Variants in OXSR1 observed in about 807,000 individuals in gnomAD.
OXSR1 encodes the protein oxidative stress responsive kinase 1.
OXSR1 carries 24 observed loss-of-function variants against 79.8 expected under a neutral mutation model. The observed-to-expected ratio is 0.30, with a 90% confidence interval of 0.22 to 0.42. OXSR1 has a LOEUF of 0.42. Ranked by LOEUF, OXSR1 falls within the 10% of genes least tolerant of loss-of-function variation. The pLI is 1.00. For synonymous variants in OXSR1, 226 were observed against 209.2 expected, an observed-to-expected ratio of 1.08 and a Z score of -0.69; for missense variants, 430 against 618.4, an observed-to-expected ratio of 0.70 and a Z score of 3.23.
intron 1 of OXSR1, among the ~76,000 whole-genome samples, chr3:38,176,445 C>T (rs1257735058): frequency 3.9e-5 from 6 of 152,092 alleles, no homozygotes; most frequent in Middle Eastern, 3.2e-3. Flanking sequence ...AATGAGAGAA[C>T]GTCATTGATT....
intron 10 of OXSR1, among the ~76,000 whole-genome samples, chr3:38,231,546 C>G (rs1702807172): frequency 6.6e-6 from 1 of 152,146 alleles, no homozygotes; most frequent in South Asian, 2.1e-4. Flanking sequence ...TCCCATGACT[C>G]TCTATCCCTT....
chr3:38,176,359 G>T (rs886517593), intron 1 of OXSR1, among the ~76,000 whole-genome samples: 2 of 152,062 alleles, frequency 1.3e-5, no homozygotes, highest in African/African-American at 2.4e-5. Flanking sequence ...AAATAATTAT[G>T]ATAAAACTTT....
At position 38,253,640 on chromosome 3, in the gene OXSR1, A is replaced by G. The variant is rs1256583018; in HGVS notation, c.*749A>G. On this transcript the variant is annotated 3_prime_UTR_variant, in exon 18 of 18. Transcript: ENST00000311806. Reference sequence around the variant, plus strand: ...ATTGTTTTTACAGACAACATCGAGTAATGGCTTGTAAATGTGAATTTTGCC... The same window carrying G: ...ATTGTTTTTACAGACAACATCGAGTGATGGCTTGTAAATGTGAATTTTGCC... 6.6e-6 allele frequency: 1 copy of G among 152,630 alleles called. No individual in the cohort carries two copies. The highest frequency in any genetic ancestry group is 6.5e-5 in the Admixed American group (1 of 15,292). 9.5% of individuals were successfully genotyped at this position (152,630 alleles called of 1,614,324 possible). A position where few individuals can be genotyped will look rare whatever the true frequency, so the allele number is the denominator to read the frequency against.
intron 2 of OXSR1, among the ~76,000 whole-genome samples, chr3:38,184,254 C>T (rs540406124): frequency 1.4e-4 from 22 of 152,048 alleles, no homozygotes; most frequent in African/African-American, 4.8e-4. Flanking sequence ...ATGAGATGGA[C>T]GAGACAAATG....
At chr3:38,166,558 C>T (rs1320334863) in intron 1 of OXSR1, among the ~76,000 whole-genome samples, 1 of 151,940 alleles carries the variant, frequency 6.6e-6, no homozygotes, top group African/African-American at 2.4e-5. Flanking sequence ...TTTGGGAGGC[C>T]GAGGCGGGCG....
chr3:38,211,151 C>G (rs893803956), intron 4 of OXSR1, among the ~76,000 whole-genome samples: 3 of 152,162 alleles, frequency 2.0e-5, no homozygotes, highest in African/African-American at 7.2e-5. Flanking sequence ...AAAAGGAGGC[C>G]TAGCACTATT....
upstream of OXSR1, among the ~76,000 whole-genome samples, chr3:38,164,389 G>A (rs1246330941): frequency 6.6e-6 from 1 of 152,090 alleles, no homozygotes; most frequent in Admixed American, 6.5e-5. Flanking sequence ...CAGGTGGTCC[G>A]CCCGCCTCCG....
At chr3:38,236,122 G>A (rs1295382934) in intron 10 of OXSR1, among the ~76,000 whole-genome samples, 1 of 152,148 alleles carries the variant, frequency 6.6e-6, no homozygotes, top group African/African-American at 2.4e-5. Flanking sequence ...GTATGATAAG[G>A]TTCAGCTCTG....
intron 11 of OXSR1, among the ~76,000 whole-genome samples, chr3:38,241,804 T>G (rs1012678193): frequency 4.1e-5 from 6 of 147,126 alleles, no homozygotes; most frequent in African/African-American, 1.0e-4. Context: ...AAGTTGTTTG[T>G]TTTTTTTTTT....
At chr3:38,190,628 A>C (rs1701965468) in intron 2 of OXSR1, 103 bp from the exon 3 acceptor site, 1 of 665,436 alleles carries the variant, frequency 1.5e-6, no homozygotes, top group African/African-American at 1.8e-5. Flanking sequence ...GATCCCAGAA[A>C]GGTGTGACAC....
chr3:38,230,318 G>T, intron 9 of OXSR1, 47 bp from the exon 10 acceptor site: 2 of 1,214,458 alleles, frequency 1.6e-6, no homozygotes, highest in South Asian at 1.3e-5. Context: ...GTTTTTTTTG[G>T]TACCTTAAAA....
intron 13 of OXSR1, among the ~76,000 whole-genome samples, chr3:38,247,455 CT>C (rs1245660973): frequency 5.3e-5 from 8 of 152,078 alleles, no homozygotes; most frequent in Admixed American, 5.2e-4. Flanking sequence ...AGTTTTCTTT[CT>C]CATTGTGTTG....
At chr3:38,185,161 T>G (rs928258738) in intron 2 of OXSR1, among the ~76,000 whole-genome samples, 2 of 151,972 alleles carry the variant, frequency 1.3e-5, no homozygotes, top group Non-Finnish European at 2.9e-5. Context: ...TATAACTATA[T>G]AATTCGACAG....
chr3:38,191,925 A>G (rs1302793831), intron 3 of OXSR1, among the ~76,000 whole-genome samples: 1 of 152,218 alleles, frequency 6.6e-6, no homozygotes, highest in Non-Finnish European at 1.5e-5. Flanking sequence ...TTCTATGAAG[A>G]ACTTTTCGTT....
intron 2 of OXSR1, among the ~76,000 whole-genome samples, chr3:38,189,604 T>C (rs1033318603): frequency 4.6e-5 from 7 of 152,210 alleles, no homozygotes; most frequent in African/African-American, 1.7e-4. Flanking sequence ...TTGATCTTAT[T>C]GAACAAATCC....
In OXSR1 at chr3:38,254,721, T is replaced by G. The variant is rs1455054371; in HGVS notation, c.*1830T>G. 2.0e-5 allele frequency: 3 copies of G among 152,422 alleles called. No individual in the cohort carries two copies. Among genetic ancestry groups the G allele is most frequent in the Non-Finnish European group, 4.4e-5 (3 of 68,260 alleles). 9.4% of individuals were successfully genotyped at this position (152,422 alleles called of 1,614,324 possible). On this transcript the variant is annotated 3_prime_UTR_variant, in exon 18 of 18. Transcript: ENST00000311806. Reference sequence around the variant, plus strand: ...TTACCGCTTACCTTAGAGTTTTGTTTTTTTTTTTTCAAACCCATCAAAATC... The same window carrying G: ...TTACCGCTTACCTTAGAGTTTTGTTGTTTTTTTTTCAAACCCATCAAAATC...
chr3:38,213,017 A>G (rs1437556701), intron 4 of OXSR1, among the ~76,000 whole-genome samples: 2 of 152,216 alleles, frequency 1.3e-5, no homozygotes, highest in African/African-American at 4.8e-5. Flanking sequence ...CAAAAGGGAA[A>G]CATGGATTGA....
chr3:38,166,238 G>A (rs1425111057), intron 1 of OXSR1, among the ~76,000 whole-genome samples: 2 of 152,100 alleles, frequency 1.3e-5, no homozygotes, highest in African/African-American at 4.8e-5. Context: ...CATGTGTCTT[G>A]TAGAGAAAGA....
intron 12 of OXSR1, among the ~76,000 whole-genome samples, chr3:38,244,671 G>GTGTGTGTGTGCGCGCA (rs759128810): frequency 2.5e-5 from 3 of 118,380 alleles, no homozygotes; most frequent in African/African-American, 3.9e-5. Flanking sequence ...GTGTGTGCGT[G>GTGTGTGTGTGCGCGCA]CGCATGTACC....
Sources: gnomAD v4.1 joint callset for allele counts (sites outside exome capture counted in the v4.1 genomes callset) on GRCh38, gnomAD v4.1.1 for gene constraint, MANE v1.5 for transcripts, NCBI Gene and HGNC (gene_info 2026-07-23, HGNC 2026-07-21) for gene names.